SMC2: variants seen among roughly 807,000 people sequenced by gnomAD.
SMC2 encodes the protein structural maintenance of chromosomes 2, also known as structural maintenance of chromosomes protein 2.
A neutral mutation model predicts 142.6 loss-of-function variants in SMC2; 41 were observed. That is an observed-to-expected ratio of 0.29 (90% CI 0.22 to 0.37). The LOEUF (loss-of-function observed/expected upper bound fraction) is 0.37. Among genes scored for constraint, SMC2 ranks in the 10% least tolerant of loss-of-function variants. The pLI, the probability that SMC2 is intolerant of heterozygous loss-of-function variation, is 1.00. For synonymous variants in SMC2, 463 were observed against 457.5 expected (o/e 1.01, Z -0.15); for missense variants, 1,265 against 1,373.7 (o/e 0.92, Z 1.25).
rs1440125864 is a variant in SMC2 at position 104,140,128 on chromosome 9, C to T, written c.*813C>T. ...GATTTTTGTCAGCCTTTTCATAATC[C>T]AGTCATTAACAACCTATTGGTAAAC... is the stretch of plus-strand genomic sequence containing the variant. On this transcript the variant is annotated 3_prime_UTR_variant, in exon 25 of 25. Transcript: ENST00000374793. The T allele has an allele frequency of 6.6e-6, 1 of 151,604 alleles. No individual in the cohort carries two copies. Among genetic ancestry groups the T allele is most frequent in the Non-Finnish European group, 1.5e-5 (1 of 67,958 alleles). The allele number at this position is 151,604 out of a possible 1,614,324, so 9.4% of individuals were successfully genotyped here.
At chr9:104,134,702 A>ACTC in intron 23 of SMC2, 127 bp downstream of exon 23, 1 of 554,482 alleles carries the variant, frequency 1.8e-6, no homozygotes, top group Non-Finnish European at 2.9e-6. Flanking sequence ...AATATATAAG[A>ACTC]CTAAACAATT....
chr9:104,130,465 A>G (rs1484288103), intron 21 of SMC2, among the ~76,000 whole-genome samples: 1 of 152,108 alleles, frequency 6.6e-6, no homozygotes, highest in African/African-American at 2.4e-5. Context: ...TAATGCCCCT[A>G]TTAATGCCCC....
intron 18 of SMC2, 125 bp downstream of exon 18, chr9:104,125,230 C>A: frequency 1.5e-6 from 1 of 680,114 alleles, no homozygotes. Flanking sequence ...GAGCAGTGTT[C>A]TTTGGAAACA....
Position 104,139,546 on chromosome 9 carries a change from G to T in SMC2, c.*231G>T, listed in dbSNP as rs757888470. The T allele has an allele frequency of 6.8e-5, 24 of 354,960 alleles. No homozygotes were observed. The highest frequency in any genetic ancestry group is 1.1e-4 in the Non-Finnish European group (21 of 199,514). 22.0% of individuals were successfully genotyped at this position (354,960 alleles called of 1,614,324 possible). A position where few individuals can be genotyped will look rare whatever the true frequency, so the allele number is the denominator to read the frequency against. On this transcript the variant is annotated 3_prime_UTR_variant, in exon 25 of 25. Coordinates refer to ENST00000374793, the MANE Select transcript of SMC2 (RefSeq NM_006444.3). ...TGTGATTTTATGCATATCATCAAAT[G>T]TTTTTTTCTTATGCGGGTCTTTTAT...
At chr9:104,115,091 T>C (rs568207641) in intron 13 of SMC2, among the ~76,000 whole-genome samples, 1 of 152,282 alleles carries the variant, frequency 6.6e-6, no homozygotes, top group African/African-American at 2.4e-5. Flanking sequence ...TGTAAAATAA[T>C]CTGGGAATAA....
chr9:104,099,518 G>A (rs79381621), intron 4 of SMC2, 126 bp from the exon 5 acceptor site: 14,645 of 624,438 alleles, frequency 0.023, 886 homozygotes, highest in African/African-American at 0.18. Flanking sequence ...AATTATAGAG[G>A]AAAGACCCCC....
chr9:104,089,330 C>T (rs1431500864), upstream of SMC2, among the ~76,000 whole-genome samples: 1 of 152,040 alleles, frequency 6.6e-6, no homozygotes, highest in Non-Finnish European at 1.5e-5. Context: ...AGAGTGAAGA[C>T]TCTCTTTGAA....
chr9:104,137,306 G>A (rs1184914432), intron 23 of SMC2, among the ~76,000 whole-genome samples: 2 of 151,852 alleles, frequency 1.3e-5, no homozygotes, highest in Non-Finnish European at 2.9e-5. Flanking sequence ...GGCTTTTTAT[G>A]AATTATATAT....
chr9:104,115,246 GT>G (rs199500651), intron 13 of SMC2, among the ~76,000 whole-genome samples: 8,589 of 146,862 alleles, frequency 0.058, 658 homozygotes, highest in African/African-American at 0.18. Flanking sequence ...TTACTTCCTT[GT>G]TTTTTTTTTA....
chr9:104,089,135 G>A, the SMC2 span, among the ~76,000 whole-genome samples: 1 of 152,110 alleles, frequency 6.6e-6, no homozygotes, highest in Non-Finnish European at 1.5e-5. Context: ...TATATAGAGG[G>A]AAGAGGTACC....
chr9:104,132,097 A>C lies in SMC2; in HGVS notation c.3080A>C (p.Asn1027Thr). Residue 1027 changes from asparagine (N) to threonine (T), a missense_variant, in exon 22 of 25, where the codon AAC (asparagine) becomes ACC (threonine). Transcript: ENST00000374793. Reference protein sequence around the residue: ...TTIEDLDQKKNQALNIAWQKV... With the variant: ...TTIEDLDQKKTQALNIAWQKV... ...ATAGAAGACCTTGACCAGAAGAAAA[A>C]CCAAGCCCTAAATATTGCATGGCAA... 6.3e-7 allele frequency: 1 copy of C among 1,593,476 alleles called. No individual in the cohort carries two copies. The highest frequency in any genetic ancestry group is 1.7e-4 in the Middle Eastern group (1 of 6,010).
At chr9:104,119,518 A>G (rs959038867) in intron 15 of SMC2, among the ~76,000 whole-genome samples, 6 of 152,132 alleles carry the variant, frequency 3.9e-5, no homozygotes, top group Admixed American at 3.3e-4. Flanking sequence ...AGCTTACAAC[A>G]AATTTATTCC....
intron 22 of SMC2, among the ~76,000 whole-genome samples, chr9:104,132,397 C>T (rs988689765): frequency 6.6e-6 from 1 of 152,064 alleles, no homozygotes; most frequent in Admixed American, 6.6e-5. Flanking sequence ...CAACAAAATC[C>T]CAATTCCATT....
chr9:104,094,144 C>T (rs906421702), upstream of SMC2: 2 of 378,136 alleles, frequency 5.3e-6, no homozygotes, highest in Non-Finnish European at 9.4e-6. Flanking sequence ...AGGCCCCTGC[C>T]GGGGAGTCCC....
In SMC2 at chr9:104,126,625, ACTG is replaced by A; in HGVS notation, c.2452-15_2452-13del. 5.0e-6 allele frequency: 8 copies of A among 1,592,890 alleles called. No homozygotes were observed. The highest frequency in any genetic ancestry group is 6.8e-6 in the Non-Finnish European group (8 of 1,170,658). The stretch of plus-strand genomic sequence containing the variant: ...TAATAACCTATATGAATACCTGAAT[ACTG>A]TATTTTTTATAGGAAGTTGAAGCTA... On this transcript the variant is annotated splice_polypyrimidine_tract_variant and intron_variant, in intron 18 of 24. Transcript: ENST00000374793.
chr9:104,134,358 A>G, intron 22 of SMC2, 57 bp from the exon 23 acceptor site: 6 of 1,377,246 alleles, frequency 4.4e-6, no homozygotes, highest in Non-Finnish European at 6.0e-6. Context: ...TATATCAACA[A>G]TTGATTCTTC....
upstream of SMC2, chr9:104,093,046 C>T (rs1830064332): frequency 6.6e-6 from 1 of 152,196 alleles, no homozygotes. Context: ...TCCCTAGACA[C>T]ACCTTATTCT....
chr9:104,138,320 A>G (rs1835773641), intron 24 of SMC2, among the ~76,000 whole-genome samples, 155 bp downstream of exon 24: 1 of 152,216 alleles, frequency 6.6e-6, no homozygotes. Context: ...TTAAATAGGT[A>G]TAGAAGGAAA....
intron 19 of SMC2, 79 bp downstream of exon 19, chr9:104,126,863 A>G: frequency 7.5e-7 from 1 of 1,330,190 alleles, no homozygotes; most frequent in East Asian, 2.3e-5. Context: ...GTTTGACTTT[A>G]GTGTTCTCAG....
Sources: allele counts gnomAD v4.1 joint callset (sites outside exome capture counted in the v4.1 genomes callset), GRCh38; gene constraint gnomAD v4.1.1; transcripts MANE v1.5; gene names NCBI Gene and HGNC (gene_info 2026-07-23, HGNC 2026-07-21).